KPTN: variants seen among roughly 807,000 people sequenced by gnomAD.
KPTN encodes kaptin, actin binding protein.
In KPTN, 36 loss-of-function variants were observed where a neutral mutation model predicts 52.6. The ratio of observed to expected loss-of-function variants is 0.68; its 90% confidence interval spans 0.52 to 0.90. The LOEUF is 0.90. KPTN is among the 40% of genes least tolerant of loss of function. KPTN has a pLI of 0.00. For synonymous variants in KPTN, 271 were observed against 248.4 expected (o/e 1.09, Z -0.85); for missense variants, 529 against 576.2 (o/e 0.92, Z 0.84).
At chr19:47,484,673 T>C (rs529679346), upstream of KPTN, 2 of 154,642 alleles carry the variant, frequency 1.3e-5, no homozygotes, top group South Asian at 3.6e-4. Flanking sequence ...CGGTCAGTAC[T>C]GGAAACCAAA....
In KPTN at chr19:47,483,145, C is replaced by T. The variant is rs200192820; in HGVS notation, c.449+16G>A. ...ATTTACAGTGGAGTGGGCGTCGATG[C>T]GCAGGGGACACTCACTCCGCATGGC... On this transcript the variant is annotated intron_variant, in intron 4 of 11. Transcript: ENST00000338134. The T allele has an allele frequency of 3.8e-5, 61 of 1,612,746 alleles. No homozygotes were observed. In the African/African-American group the frequency reaches 6.8e-4, roughly 18 times the overall value.
At chr19:47,484,351 C>T, upstream of KPTN, 1 of 641,736 alleles carries the variant, frequency 1.6e-6, no homozygotes, top group Non-Finnish European at 2.6e-6. Flanking sequence ...GCGACTTTGC[C>T]CCACTGCGCC....
At chr19:47,477,087 T>A (rs940367315) in intron 9 of KPTN, 149 bp from the exon 10 acceptor site, 6 of 809,846 alleles carry the variant, frequency 7.4e-6, no homozygotes, top group Non-Finnish European at 1.2e-5. Flanking sequence ...CATCTCAGAT[T>A]TGGACATATT....
In KPTN at chr19:47,480,356, TGA is replaced by T; in HGVS notation, c.649_650del (p.Ala218SerfsTer54). 1.3e-6 allele frequency: 2 copies of T among 1,548,644 alleles called. No individual in the cohort carries two copies. The highest frequency in any genetic ancestry group is 1.4e-5 in the African/African-American group (1 of 72,448). The stretch of plus-strand genomic sequence containing the variant: ...CATAACCACTCTGACAGCCCAGAGC[TGA>T]GAGGCGCCGGGACGTGCCGGGGAAG... ...HNFPGTSRRL[S>X]ALGCQSGYVR... On this transcript the variant is annotated frameshift_variant, in exon 7 of 12. Transcript: ENST00000338134. LOFTEE classifies it high-confidence loss of function.
At position 47,483,353 on chromosome 19, in the gene KPTN, G is replaced by A. The variant is rs750031979; in HGVS notation, c.336C>T (p.Phe112=). The A allele has an allele frequency of 2.5e-6, 4 of 1,614,018 alleles. No homozygotes were observed. The highest frequency in any genetic ancestry group is 3.4e-6 in the Non-Finnish European group (4 of 1,180,034). The change falls in exon 3 of 12, where the codon TTC becomes TTT. Residue 112 remains phenylalanine (F), a synonymous_variant. Coordinates refer to ENST00000338134, the MANE Select transcript of KPTN (RefSeq NM_007059.4). ...GCTCGTAGTCGCAGTAAATGTTCAG[G>A]AAGGGGCTGCCCTTGTCCCCTGAAT... ...IKDSGDKGSP[F]LNIYCDYEPG... is the part of the protein sequence containing the mutation.
intron 4 of KPTN, among the ~76,000 whole-genome samples, chr19:47,482,950 G>A (rs1040718504): frequency 3.3e-5 from 5 of 152,134 alleles, no homozygotes; most frequent in Non-Finnish European, 5.9e-5. Context: ...CAGGTGATCC[G>A]TCTGCCTCAG....
rs45478096 is a variant in KPTN at position 47,480,945 on chromosome 19, C to T, written c.525+13G>A. On this transcript the variant is annotated intron_variant, in intron 5 of 11. Coordinates refer to ENST00000338134, the MANE Select transcript of KPTN (RefSeq NM_007059.4). ...TCCCACAGGGCTCTGCCCAGCACGC[C>T]GCCCCACCTCACCTCCTTGTAGAGA... is the stretch of plus-strand genomic sequence containing the variant. 5,633 of 1,611,264 alleles carry T rather than the reference C, an allele frequency of 3.5e-3. 18 individuals are homozygous for T. The highest frequency in any genetic ancestry group is 4.5e-3 in the Non-Finnish European group (5,269 of 1,178,446).
intron 7 of KPTN, 50 bp downstream of exon 7, chr19:47,480,248 C>T: frequency 8.5e-7 from 1 of 1,169,654 alleles, no homozygotes; most frequent in East Asian, 2.6e-5. Context: ...CCTGGCCCCG[C>T]CCTCTAGCCC....
chr19:47,475,615 A>G, intron 11 of KPTN, 71 bp from the exon 12 acceptor site: 1 of 1,573,520 alleles, frequency 6.4e-7, no homozygotes, highest in Non-Finnish European at 8.7e-7. Context: ...GACCGTCTGG[A>G]GTGAAGCAAC....
Position 47,482,559 on chromosome 19 carries a change from T to C in KPTN, c.449+602A>G, listed in dbSNP as rs552900525. ...TAGAATCTGATTGTCTATGGACAAG[T>C]TCGTGGTCTCCAGTTAGCTACAGCT... is the stretch of plus-strand genomic sequence containing the variant. On this transcript the variant is annotated intron_variant, in intron 4 of 11. Transcript: ENST00000338134. Among the ~76,000 whole-genome samples the C allele has an allele frequency of 8.6e-5, 13 of 151,882 alleles. 1 individual carries two copies. The South Asian group carries it at 2.7e-3, about 32-fold the overall frequency.
intron 8 of KPTN, among the ~76,000 whole-genome samples, chr19:47,478,989 A>G (rs1967772010): frequency 6.6e-6 from 1 of 152,224 alleles, no homozygotes; most frequent in South Asian, 2.1e-4. Context: ...ATCCATCACT[A>G]TAGAATTCAT....
At chr19:47,481,077 T>A (rs772091779) in intron 4 of KPTN, 44 bp from the exon 5 acceptor site, 1 of 1,484,872 alleles carries the variant, frequency 6.7e-7, no homozygotes, top group Non-Finnish European at 9.2e-7. Flanking sequence ...GGAATCCACA[T>A]GGTCTGAGAA....
In KPTN at chr19:47,480,983, T is replaced by C. The variant is rs1475574339; in HGVS notation, c.500A>G (p.Asp167Gly). 1.2e-6 allele frequency: 2 copies of C among 1,600,010 alleles called. No individual in the cohort carries two copies. The highest frequency in any genetic ancestry group is 1.7e-6 in the Non-Finnish European group (2 of 1,172,662). The stretch of plus-strand genomic sequence containing the variant: ...CTCCTTGTAGAGATGAATGGCCGGG[T>C]CGTTCCCACTCAAGAGAAACACAGT... ...LETVFLLSGN[D>G]PAIHLYKENE... Residue 167 changes from aspartate (D) to glycine (G), a missense_variant, in exon 5 of 12, where the codon GAC (aspartate) becomes GGC (glycine). Asp to Gly is a moderately conservative substitution (Grantham distance 94). Transcript: ENST00000338134.
chr19:47,475,625 C>T (rs1448743310), intron 11 of KPTN, 81 bp from the exon 12 acceptor site: 1 of 1,546,554 alleles, frequency 6.5e-7, no homozygotes, highest in African/African-American at 1.4e-5. Flanking sequence ...AGTGAAGCAA[C>T]TCCAAAGGCC....
rs146037042 is a variant in KPTN at position 47,483,252 on chromosome 19, C to T, written c.395-37G>A. On this transcript the variant is annotated intron_variant, in intron 3 of 11. Coordinates refer to ENST00000338134, the MANE Select transcript of KPTN (RefSeq NM_007059.4). ...GCACAGGCAGGTTAGCATGGGGGAC[C>T]TGCTGGGGACTCTCTCCCTCCTCCC... 1,224 of 1,612,932 alleles carry T rather than the reference C, an allele frequency of 7.6e-4. 8 individuals are homozygous for T. The African/African-American group carries it at 0.015, about 19-fold the overall frequency.
intron 4 of KPTN, among the ~76,000 whole-genome samples, chr19:47,481,319 C>T (rs1398616988): frequency 3.3e-5 from 5 of 152,108 alleles, no homozygotes; most frequent in Admixed American, 1.3e-4. Context: ...TCTTAGAGCC[C>T]GCATCTACTC....
rs781661209 is a variant in KPTN at position 47,484,000 on chromosome 19, C to A, written c.161G>T (p.Arg54Leu). The change falls in exon 1 of 12, where the codon CGC (arginine) becomes CTC (leucine). Residue 54 changes from arginine to leucine, a missense_variant. Physicochemically the swap from Arg to Leu is moderately radical, Grantham distance 102. Transcript: ENST00000338134. ...GATTTTCTGTCGGAGGTCTTGGTAGCGGAAGCCGAGCACCTTGCCTTTAAG... is the reference window on the plus strand; with the variant it reads ...GATTTTCTGTCGGAGGTCTTGGTAGAGGAAGCCGAGCACCTTGCCTTTAAG... The part of the protein sequence containing the change: ...ATLKGKVLGF[R>L]YQDLRQKIRP... The A allele has an allele frequency of 5.0e-6, 8 of 1,613,260 alleles. No individual in the cohort carries two copies. Among genetic ancestry groups the A allele is most frequent in the Non-Finnish European group, 6.8e-6 (8 of 1,180,008 alleles).
upstream of KPTN, among the ~76,000 whole-genome samples, chr19:47,484,760 A>G (rs1052793657): frequency 1.4e-5 from 2 of 142,388 alleles, no homozygotes; most frequent in Non-Finnish European, 3.0e-5. Context: ...CCTGGAGTGC[A>G]GTGGTGCGAT....
intron 7 of KPTN, 143 bp from the exon 8 acceptor site, chr19:47,480,083 C>T: frequency 3.2e-6 from 2 of 627,732 alleles, no homozygotes; most frequent in Non-Finnish European, 5.6e-6. Flanking sequence ...TAGCCCCGCC[C>T]CCAATCCCCA....
Sources: gnomAD v4.1 joint callset for allele counts (sites outside exome capture counted in the v4.1 genomes callset) on GRCh38, gnomAD v4.1.1 for gene constraint, MANE v1.5 for transcripts, NCBI Gene and HGNC (gene_info 2026-07-23, HGNC 2026-07-21) for gene names.